ZC3H18: variants seen among roughly 807,000 people sequenced by gnomAD.
The protein encoded by ZC3H18 is zinc finger CCCH domain-containing protein 18.
In ZC3H18, 8 loss-of-function variants were observed where a neutral mutation model predicts 106.1. The ratio of observed to expected loss-of-function variants is 0.08; its 90% confidence interval spans 0.04 to 0.14. ZC3H18 has a LOEUF of 0.14. Among genes scored for constraint, ZC3H18 ranks in the 10% least tolerant of loss-of-function variants. The pLI is 1.00. For missense variants in ZC3H18, 1,318 were observed against 1,278.4 expected (o/e 1.03, Z -0.47); for synonymous variants, 635 against 522.1 (o/e 1.22, Z -2.95).
At chr16:88,630,460 G>A in intron 16 of ZC3H18, 25 bp from the exon 17 acceptor site, 2 of 1,599,000 alleles carry the variant, frequency 1.3e-6, no homozygotes. Flanking sequence ...CAGGAGGGTG[G>A]TCTCACTCTG....
rs185451501 is a variant in ZC3H18 at position 88,627,539 on chromosome 16, G to C, written c.2109-83G>C. On this transcript the variant is annotated intron_variant, in intron 13 of 17. Transcript: ENST00000301011. The surrounding 1 kb of genome is among the most constrained non-coding windows in gnomAD (Gnocchi z 4.5). ...TACATGATCCATAAATGGACACTGC[G>C]TAAAAGTGGACCATGGAGCACCCCC... The C allele has an allele frequency of 3.3e-4, 507 of 1,516,870 alleles. 3 individuals carry two copies. The Admixed American group carries it at 1.0e-2, about 30-fold the overall frequency. 94.0% of individuals were successfully genotyped at this position (1,516,870 alleles called of 1,614,324 possible). A position where few individuals can be genotyped will look rare whatever the true frequency, so the allele number is the denominator to read the frequency against.
At chr16:88,591,827 A>G (rs2084345252) in intron 3 of ZC3H18, among the ~76,000 whole-genome samples, 1 of 152,098 alleles carries the variant, frequency 6.6e-6, no homozygotes. Flanking sequence ...GGAGTTTCTG[A>G]TGACGTGGTG....
rs1049685752 is a variant in ZC3H18 at position 88,631,504 on chromosome 16, G to A, written c.*205G>A. The A allele has an allele frequency of 2.2e-5, 16 of 718,934 alleles. No individual in the cohort carries two copies. The highest frequency in any genetic ancestry group is 1.3e-4 in the Admixed American group (6 of 45,694). 44.5% of individuals were successfully genotyped at this position (718,934 alleles called of 1,614,324 possible). A position where few individuals can be genotyped will look rare whatever the true frequency, so the allele number is the denominator to read the frequency against. On this transcript the variant is annotated 3_prime_UTR_variant, in exon 18 of 18. Transcript: ENST00000301011. ...CCCTCCCCAGAGCAGAAGTCCCGCA[G>A]GACAGACAGACACAGACAGCGCTAG...
intron 8 of ZC3H18, among the ~76,000 whole-genome samples, chr16:88,615,897 T>A (rs1905570811): frequency 6.6e-6 from 1 of 152,230 alleles, no homozygotes; most frequent in South Asian, 2.1e-4. Flanking sequence ...AGAATGTACT[T>A]CTGGAGTACG....
chr16:88,595,760 C>T (rs543490578), intron 3 of ZC3H18, among the ~76,000 whole-genome samples: 7 of 149,536 alleles, frequency 4.7e-5, no homozygotes, highest in Admixed American at 1.3e-4. Context: ...GAGCCTAGGT[C>T]GCTCCACTGC....
At chr16:88,618,852 C>G (rs967509506) in intron 8 of ZC3H18, among the ~76,000 whole-genome samples, 1 of 152,146 alleles carries the variant, frequency 6.6e-6, no homozygotes, top group Non-Finnish European at 1.5e-5. Flanking sequence ...GGAGGTGGGC[C>G]TTCCTGACTG....
At chr16:88,609,544 C>T (rs985698767) in intron 7 of ZC3H18, among the ~76,000 whole-genome samples, 16 of 151,948 alleles carry the variant, frequency 1.1e-4, no homozygotes, top group South Asian at 2.1e-4. Context: ...TCAAGCAATC[C>T]GCCTGCTTTA....
intron 3 of ZC3H18, among the ~76,000 whole-genome samples, chr16:88,594,074 C>G (rs947801812): frequency 2.6e-5 from 4 of 152,174 alleles, no homozygotes; most frequent in Admixed American, 6.6e-5. Flanking sequence ...ATGCCCCTCC[C>G]TCTCTAGCTG....
At chr16:88,623,134 T>A in intron 9 of ZC3H18, 85 bp from the exon 10 acceptor site, 1 of 1,537,612 alleles carries the variant, frequency 6.5e-7, no homozygotes. Flanking sequence ...TCTGTGGGTG[T>A]GTAGCTGTGC....
At chr16:88,572,681 G>T (rs1431305986) in intron 1 of ZC3H18, among the ~76,000 whole-genome samples, 1 of 151,986 alleles carries the variant, frequency 6.6e-6, no homozygotes, top group Non-Finnish European at 1.5e-5. Flanking sequence ...TATCAGTTGA[G>T]ACTCTTCTAC....
At chr16:88,603,745 A>T (rs1853149580) in intron 6 of ZC3H18, among the ~76,000 whole-genome samples, 1 of 149,356 alleles carries the variant, frequency 6.7e-6, no homozygotes, top group African/African-American at 2.5e-5. Context: ...GCCTCAGCTT[A>T]CCAAGTAGCT....
At chr16:88,619,886 G>C (rs2040773622) in intron 8 of ZC3H18, among the ~76,000 whole-genome samples, 1 of 152,178 alleles carries the variant, frequency 6.6e-6, no homozygotes, top group African/African-American at 2.4e-5. Context: ...AGTTATACAG[G>C]AAGTATAAAG....
rs751966659 is a variant in ZC3H18, at chr16:88,622,160, G to T, written c.1476-37G>T. 4 of 1,584,454 alleles carry T rather than the reference G, an allele frequency of 2.5e-6. No homozygotes were observed. The South Asian group carries it at 4.5e-5, about 18-fold the overall frequency. ...CACCTGGCATTGCTGTGAAGCGGAA[G>T]GTGGCCTGAGAGTTGCTAATGCCTC... is the stretch of plus-strand genomic sequence containing the variant. On this transcript the variant is annotated intron_variant, in intron 8 of 17. Transcript: ENST00000301011.
At chr16:88,603,126 A>G (rs1040825959) in intron 6 of ZC3H18, among the ~76,000 whole-genome samples, 21 of 151,726 alleles carry the variant, frequency 1.4e-4, no homozygotes, top group African/African-American at 2.4e-4. Flanking sequence ...CACCACGCTC[A>G]GCCAATTTTT....
Position 88,577,264 on chromosome 16 carries a change from T to G in ZC3H18, c.141T>G (p.Asp47Glu). Residue 47 changes from aspartate (D) to glutamate (E), a missense_variant, in exon 2 of 18, where the codon GAT becomes GAG. By Grantham distance (45) the Asp-to-Glu change is conservative (BLOSUM62 2). Transcript: ENST00000301011. ...ACGGGGCGGGGGTGAGGGCTTCTGA[T>G]CTGGAGGATGAGGAAAGTGCAGCCA... ...DLDGAGVRAS[D>E]LEDEESAARG... The G allele has an allele frequency of 6.2e-7, 1 of 1,613,286 alleles. No homozygotes were observed. The highest frequency in any genetic ancestry group is 8.5e-7 in the Non-Finnish European group (1 of 1,179,760).
intron 2 of ZC3H18, among the ~76,000 whole-genome samples, chr16:88,579,709 G>A (rs1480071124): frequency 2.0e-5 from 3 of 152,144 alleles, no homozygotes; most frequent in Non-Finnish European, 4.4e-5. Context: ...GTCTTGTGAG[G>A]GGACCCACAG....
rs1159787053 is a variant in ZC3H18 at position 88,630,761 on chromosome 16, CCCCCACACA to C, written c.2663+182_2663+190del. Among the ~76,000 whole-genome samples, 5 of 109,838 alleles carry C rather than the reference CCCCCACACA, an allele frequency of 4.6e-5. No homozygotes were observed. The South Asian group carries it at 1.8e-3, about 39-fold the overall frequency. The allele number at this position is 109,838 out of a possible 152,430, so 72.1% of individuals were successfully genotyped here. A position where few individuals can be genotyped will look rare whatever the true frequency, so the allele number is the denominator to read the frequency against. On this transcript the variant is annotated intron_variant, in intron 17 of 17. Transcript: ENST00000301011. ...GAATTGCAGCCCCACCCCCCACCCC[CCCCCACACA>C]CACACACACGCTCCTGCCCTGGTTG...
intron 8 of ZC3H18, among the ~76,000 whole-genome samples, chr16:88,616,183 G>T (rs897411235): frequency 6.6e-6 from 1 of 152,216 alleles, no homozygotes; most frequent in Non-Finnish European, 1.5e-5. Flanking sequence ...GTGCTCAGAC[G>T]TTGTCTGGCC....
In ZC3H18 at chr16:88,627,864, G is replaced by T. The variant is rs1198614839; in HGVS notation, c.2270-56G>T. ...CAGCACAGACTTTGCCTGGCTGTTG[G>T]TGTGGCCATGGGAAAATCACCAGTA... On this transcript the variant is annotated intron_variant, in intron 14 of 17. Coordinates refer to ENST00000301011, the MANE Select transcript of ZC3H18 (RefSeq NM_144604.4). The surrounding 1 kb of genome is among the most constrained non-coding windows in gnomAD (Gnocchi z 4.5). The T allele has an allele frequency of 1.2e-6, 2 of 1,612,904 alleles. No homozygotes were observed. The highest frequency in any genetic ancestry group is 2.2e-5 in the East Asian group (1 of 44,876).
Sources: allele counts gnomAD v4.1 joint callset (sites outside exome capture counted in the v4.1 genomes callset), GRCh38; gene constraint gnomAD v4.1.1; non-coding constraint Gnocchi (gnomAD v3.1); transcripts MANE v1.5; gene names NCBI Gene and HGNC (gene_info 2026-07-23, HGNC 2026-07-21).